Variants in DYNC1H1 observed in about 807,000 individuals in gnomAD.
The protein encoded by DYNC1H1 is dynein cytoplasmic 1 heavy chain 1, also known as cytoplasmic dynein 1 heavy chain 1.
In DYNC1H1, 51 loss-of-function variants were observed where a neutral mutation model predicts 527.1. That is an observed-to-expected ratio of 0.10 (90% CI 0.08 to 0.12). The LOEUF is 0.12. Ranked by LOEUF, DYNC1H1 falls within the 10% of genes least tolerant of loss-of-function variation. The probability of loss-of-function intolerance (pLI) is 1.00; values close to 1 mark genes in which losing one functional copy is unlikely to be tolerated. For missense variants in DYNC1H1, 2,771 were observed against 5,971.8 expected (o/e 0.46, Z 17.66); for synonymous variants, 2,189 against 2,278.8 (o/e 0.96, Z 1.12).
chr14:102,021,681 CAA>C lies in DYNC1H1; in HGVS notation c.8508-1069_8508-1068del, dbSNP rs1169844016. Reference sequence around the variant, plus strand: ...CTTTTTTTTTTTTTTTTTTTTGAGACAAGAGTCTCGCTTTGTCACCCAGGCTA... The same window carrying C: ...CTTTTTTTTTTTTTTTTTTTTGAGACGAGTCTCGCTTTGTCACCCAGGCTA... On this transcript the variant is annotated intron_variant, in intron 42 of 77. Transcript: ENST00000360184. 2.5e-4 allele frequency among the ~76,000 whole-genome samples: 30 copies of C among 120,784 alleles called. No individual in the cohort carries two copies. In the South Asian group the frequency reaches 3.0e-3, roughly 12 times the overall value. 79.2% of individuals were successfully genotyped at this position (120,784 alleles called of 152,430 possible). A position where few individuals can be genotyped will look rare whatever the true frequency, so the allele number is the denominator to read the frequency against.
rs577512264 is a variant in DYNC1H1 at position 102,005,974 on chromosome 14, C to T, written c.5520C>T (p.Ser1840=). The part of the protein sequence containing the change: ...IDNAKSFEWL[S]QMRFYFDPKQ... ...ACGCCAAATCTTTTGAATGGCTCAG[C>T]CAGATGCGATTTTACTTTGACCCTA... Residue 1840 remains serine (S), a synonymous_variant, in exon 27 of 78, where the codon AGC becomes AGT. Coordinates refer to ENST00000360184, the MANE Select transcript of DYNC1H1 (RefSeq NM_001376.5). The surrounding 1 kb of genome is among the most constrained non-coding windows in gnomAD (Gnocchi z 4.0). 3 of 1,614,224 alleles carry T rather than the reference C, an allele frequency of 1.9e-6. No homozygotes were observed. The highest frequency in any genetic ancestry group is 2.5e-6 in the Non-Finnish European group (3 of 1,180,038).
chr14:102,005,054 G>C lies in DYNC1H1; in HGVS notation c.5251G>C (p.Val1751Leu). ...CTGTGTCTTTCAGGCCCAGCTTGTG[G>C]TTTTGTCAGCCCAGATAGCCTGGTC... ...WIDKYQAQLV[V>L]LSAQIAWSEN... The change falls in exon 26 of 78, where the codon GTT becomes CTT. Residue 1751 changes from valine (V) to leucine (L), a missense_variant. Coordinates refer to ENST00000360184, the MANE Select transcript of DYNC1H1 (RefSeq NM_001376.5). This position sits in a 1 kb window ranked among gnomAD's most constrained non-coding sequence, Gnocchi z 4.0. The C allele has an allele frequency of 6.2e-7, 1 of 1,614,198 alleles. No individual in the cohort carries two copies. The highest frequency in any genetic ancestry group is 8.5e-7 in the Non-Finnish European group (1 of 1,180,044).
rs1349379812 is a variant in DYNC1H1 at position 102,027,292 on chromosome 14, C to T, written c.8886+4C>T. 6.8e-6 allele frequency: 11 copies of T among 1,613,854 alleles called. No individual in the cohort carries two copies. Among genetic ancestry groups the T allele is most frequent in the Non-Finnish European group, 9.3e-6 (11 of 1,179,994 alleles). On this transcript the variant is annotated splice_donor_region_variant and intron_variant, in intron 45 of 77. Coordinates refer to ENST00000360184, the MANE Select transcript of DYNC1H1 (RefSeq NM_001376.5). The surrounding 1 kb of genome is among the most constrained non-coding windows in gnomAD (Gnocchi z 7.7). ...TTTGAGTGTGTACCAGATTAAGGTG[C>T]GTCTGGTCGGTGGCCTCTTAATCCC...
Position 102,009,974 on chromosome 14 carries a change from C to A in DYNC1H1, c.6109C>A (p.Arg2037=). The A allele has an allele frequency of 6.2e-7, 1 of 1,614,088 alleles. No individual in the cohort carries two copies. The highest frequency in any genetic ancestry group is 8.5e-7 in the Non-Finnish European group (1 of 1,180,030). ...NLPDNLKKLF[R]SLAMTKPDRQ... ...TCCTGACAACTTGAAGAAGCTGTTCCGGAGCTTGGCCATGACCAAGCCCGA... is the reference window on the plus strand; with the variant it reads ...TCCTGACAACTTGAAGAAGCTGTTCAGGAGCTTGGCCATGACCAAGCCCGA... Residue 2037 remains arginine (R), a synonymous_variant, in exon 30 of 78, where the codon CGG becomes AGG. Coordinates refer to ENST00000360184, the MANE Select transcript of DYNC1H1 (RefSeq NM_001376.5).
At chr14:101,989,003 G>A in intron 10 of DYNC1H1, 151 bp downstream of exon 10, 1 of 1,089,274 alleles carries the variant, frequency 9.2e-7, no homozygotes, top group Non-Finnish European at 1.3e-6. Context: ...GTGGCGATGT[G>A]CAGGTGTCAT....
chr14:102,048,680 G>C lies in DYNC1H1; in HGVS notation c.13372+11G>C, dbSNP rs1329148163. On this transcript the variant is annotated intron_variant, in intron 74 of 77. Transcript: ENST00000360184. ...ACGAGCTAGTGAAAGGTGCGTGAGA[G>C]GCCGAACTCGTGGTGTGGCTTCCGG... The C allele has an allele frequency of 6.2e-7, 1 of 1,612,194 alleles. No homozygotes were observed. Among genetic ancestry groups the C allele is most frequent in the Non-Finnish European group, 8.5e-7 (1 of 1,179,888 alleles).
Position 102,016,778 on chromosome 14 carries a change from G to A in DYNC1H1, c.7627G>A (p.Gly2543Arg), listed in dbSNP as rs892693926. 5.6e-6 allele frequency: 9 copies of A among 1,613,636 alleles called. No homozygotes were observed. Among genetic ancestry groups the A allele is most frequent in the African/African-American group, 5.3e-5 (4 of 74,940 alleles). ...PIIDYEVSIS[G>R]EWSPWQAKVP... ...TCTCCGTGTGTAGGTGTCCATCAGCGGAGAATGGTCTCCGTGGCAGGCCAA... is the reference window on the plus strand; with the variant it reads ...TCTCCGTGTGTAGGTGTCCATCAGCAGAGAATGGTCTCCGTGGCAGGCCAA... Residue 2543 changes from glycine (G) to arginine (R), a missense_variant, in exon 38 of 78, where the codon GGA becomes AGA. Coordinates refer to ENST00000360184, the MANE Select transcript of DYNC1H1 (RefSeq NM_001376.5). The surrounding 1 kb of genome is among the most constrained non-coding windows in gnomAD (Gnocchi z 7.3).
At chr14:101,998,270 A>T (rs1269995551) in intron 16 of DYNC1H1, among the ~76,000 whole-genome samples, 3 of 147,018 alleles carry the variant, frequency 2.0e-5, no homozygotes, top group Non-Finnish European at 4.4e-5. Flanking sequence ...TCCCCTCTAT[A>T]AACGCTGATC....
Position 101,964,827 on chromosome 14 carries a change from G to C in DYNC1H1, c.136G>C (p.Gly46Arg). The C allele has an allele frequency of 1.9e-6, 3 of 1,601,954 alleles. No homozygotes were observed. The highest frequency in any genetic ancestry group is 2.6e-6 in the Non-Finnish European group (3 of 1,175,392). Residue 46 changes from glycine (G) to arginine (R), a missense_variant, in exon 1 of 78, where the codon GGC becomes CGC. Gly to Arg is a moderately radical substitution (Grantham distance 125, BLOSUM62 -2). Transcript: ENST00000360184. This position sits in a 1 kb window ranked among gnomAD's most constrained non-coding sequence, Gnocchi z 5.5. ...KLVPLLLEDGGEAPAALEAAL... is the reference protein window; with the variant it reads ...KLVPLLLEDGREAPAALEAAL... ...GGTGCCGCTGCTGCTGGAGGACGGC[G>C]GCGAGGCGCCGGCCGCGCTGGAGGC...
Position 102,017,176 on chromosome 14 carries a change from A to G in DYNC1H1, c.7937A>G (p.Asn2646Ser). 1 of 1,614,148 alleles carries G rather than the reference A, an allele frequency of 6.2e-7. No homozygotes were observed. Among genetic ancestry groups the G allele is most frequent in the South Asian group, 1.1e-5 (1 of 91,076 alleles). ...DHYCEYRRTP[N>S]GVVLAPVQLG... ...TACTGCGAGTACAGGCGCACACCTA[A>G]TGGGGTGGTTTTGGCTCCTGTTCAA... The change falls in exon 39 of 78, where the codon AAT becomes AGT. Residue 2646 changes from asparagine (N) to serine (S), a missense_variant. Asn to Ser is a conservative substitution (Grantham distance 46, BLOSUM62 1). This residue lies in a region of DYNC1H1 where 163 missense variants were observed against 346.9 expected (regional missense o/e 0.47). Coordinates refer to ENST00000360184, the MANE Select transcript of DYNC1H1 (RefSeq NM_001376.5). The surrounding 1 kb of genome is among the most constrained non-coding windows in gnomAD (Gnocchi z 4.6).
Position 101,965,069 on chromosome 14 carries a change from C to T in DYNC1H1, c.256+122C>T. On this transcript the variant is annotated intron_variant, in intron 1 of 77. Transcript: ENST00000360184. The surrounding 1 kb of genome is among the most constrained non-coding windows in gnomAD (Gnocchi z 4.1). ...GGAGCCCGGCAGCTGCAGATGACCC[C>T]TGGATGGGCAGAGCCCGGCGGCCGC... 4 of 1,097,914 alleles carry T rather than the reference C, an allele frequency of 3.6e-6. 1 individual carries two copies. In the South Asian group the frequency reaches 6.6e-5, roughly 18 times the overall value. 68.0% of individuals were successfully genotyped at this position (1,097,914 alleles called of 1,614,324 possible).
chr14:102,012,715 CTATGAT>C lies in DYNC1H1; in HGVS notation c.7014+249_7014+254del, dbSNP rs2152579662. The C allele has an allele frequency of 1.8e-6, 1 of 553,884 alleles. No individual in the cohort carries two copies. The highest frequency in any genetic ancestry group is 1.9e-5 in the African/African-American group (1 of 52,958). The allele number at this position is 553,884 out of a possible 1,614,324, so 34.3% of individuals were successfully genotyped here. ...TCATTTATTGAGTAATAAGCACACTCTATGATTATCAGTTAACCCTGTATGGTGGGG... is the reference window on the plus strand; with the variant it reads ...TCATTTATTGAGTAATAAGCACACTCTATCAGTTAACCCTGTATGGTGGGG... On this transcript the variant is annotated intron_variant, in intron 34 of 77. Transcript: ENST00000360184. The surrounding 1 kb of genome is among the most constrained non-coding windows in gnomAD (Gnocchi z 4.9).
Position 102,034,216 on chromosome 14 carries a change from A to G in DYNC1H1, c.10626+28A>G, listed in dbSNP as rs2048544044. ...GAGAATCACGGGGAGTTCAAAAAGG[A>G]TGTGCGAGCAGTGTGAGGCAAGCTG... is the stretch of plus-strand genomic sequence containing the variant. On this transcript the variant is annotated intron_variant, in intron 55 of 77. Coordinates refer to ENST00000360184, the MANE Select transcript of DYNC1H1 (RefSeq NM_001376.5). The G allele has an allele frequency of 3.7e-6, 6 of 1,614,046 alleles. No individual in the cohort carries two copies. The South Asian group carries it at 6.6e-5, about 18-fold the overall frequency.
rs2047647042 is a variant in DYNC1H1 at position 101,964,917 on chromosome 14, A to G, written c.226A>G (p.Thr76Ala). The G allele has an allele frequency of 6.2e-7, 1 of 1,600,326 alleles. No individual in the cohort carries two copies. The highest frequency in any genetic ancestry group is 1.1e-5 in the South Asian group (1 of 89,338). Residue 76 changes from threonine to alanine, a missense_variant, in exon 1 of 78, where the codon ACG (threonine) becomes GCG (alanine). Around this residue, in one of 32 missense-constraint regions of DYNC1H1, gnomAD observed 101 missense variants for 105.3 expected, o/e 0.96. Coordinates refer to ENST00000360184, the MANE Select transcript of DYNC1H1 (RefSeq NM_001376.5). The surrounding 1 kb of genome is among the most constrained non-coding windows in gnomAD (Gnocchi z 5.5). ...GTTCCTTTCGGACCCGCAGGTCCACACGGTGCTGGTGGAGCGCTCCACGCT... is the reference window on the plus strand; with the variant it reads ...GTTCCTTTCGGACCCGCAGGTCCACGCGGTGCTGGTGGAGCGCTCCACGCT... ...RKFLSDPQVH[T>A]VLVERSTLKE... is the part of the protein sequence containing the mutation.
intron 10 of DYNC1H1, among the ~76,000 whole-genome samples, chr14:101,990,759 C>T (rs1177579661): frequency 2.0e-5 from 3 of 151,914 alleles, no homozygotes; most frequent in African/African-American, 7.3e-5. Context: ...GCCTGTAATC[C>T]CAGCACTTTG....
chr14:102,013,438 G>C (rs1411727063), intron 34 of DYNC1H1, among the ~76,000 whole-genome samples: 1 of 152,030 alleles, frequency 6.6e-6, no homozygotes. Context: ...CAGACACTTA[G>C]GGGAGTGAGG....
intron 41 of DYNC1H1, among the ~76,000 whole-genome samples, chr14:102,019,620 G>A (rs1249717340): frequency 2.0e-5 from 3 of 152,082 alleles, no homozygotes; most frequent in Non-Finnish European, 4.4e-5. Context: ...TACTCATTTG[G>A]AGACGGAGTC....
chr14:102,016,346 T>A lies in DYNC1H1; in HGVS notation c.7474-3T>A, dbSNP rs1302830082. ...AATCAAAGTTTAATTCCCTTTTTAA[T>A]AGCGATATCTGGTTTATGCCATACT... On this transcript the variant is annotated splice_region_variant and splice_polypyrimidine_tract_variant and intron_variant, in intron 36 of 77. Coordinates refer to ENST00000360184, the MANE Select transcript of DYNC1H1 (RefSeq NM_001376.5). The surrounding 1 kb of genome is among the most constrained non-coding windows in gnomAD (Gnocchi z 7.3). 3 of 1,614,084 alleles carry A rather than the reference T, an allele frequency of 1.9e-6. No individual in the cohort carries two copies. The highest frequency in any genetic ancestry group is 2.5e-6 in the Non-Finnish European group (3 of 1,180,042).
In DYNC1H1 at chr14:102,018,592, G is replaced by A; in HGVS notation, c.8319G>A (p.Met2773Ile). Reference sequence around the variant, plus strand: ...ATGCAGAGCCGCTCACTGCTGCCATGGTGGAGTTCTACACCATGTCTCAGG... The same window carrying A: ...ATGCAGAGCCGCTCACTGCTGCCATAGTGGAGTTCTACACCATGTCTCAGG... Reference protein sequence around the residue: ...RTYAEPLTAAMVEFYTMSQER... With the variant: ...RTYAEPLTAAIVEFYTMSQER... The change falls in exon 41 of 78, where the codon ATG becomes ATA. Residue 2773 changes from methionine to isoleucine, a missense_variant. By Grantham distance (10) the Met-to-Ile change is conservative. Coordinates refer to ENST00000360184, the MANE Select transcript of DYNC1H1 (RefSeq NM_001376.5). This position sits in a 1 kb window ranked among gnomAD's most constrained non-coding sequence, Gnocchi z 5.2. 6.2e-7 allele frequency: 1 copy of A among 1,613,234 alleles called. No individual in the cohort carries two copies. The highest frequency in any genetic ancestry group is 8.5e-7 in the Non-Finnish European group (1 of 1,179,756).
Sources: allele counts gnomAD v4.1 joint callset (sites outside exome capture counted in the v4.1 genomes callset), GRCh38; gene constraint gnomAD v4.1.1; regional missense constraint gnomAD v4.1.1; non-coding constraint Gnocchi (gnomAD v3.1); transcripts MANE v1.5; gene names NCBI Gene and HGNC (gene_info 2026-07-23, HGNC 2026-07-21).